The following KPNA6 variants were observed in gnomAD, a reference collection of about 807,000 sequenced individuals.
The protein encoded by KPNA6 is karyopherin subunit alpha 6.
In KPNA6, 9 loss-of-function variants were observed where a neutral mutation model predicts 72.0. That is an observed-to-expected ratio of 0.13 (90% CI 0.08 to 0.22). The LOEUF (loss-of-function observed/expected upper bound fraction) is 0.22. KPNA6 is among the 10% of genes least tolerant of loss of function. KPNA6 has a pLI of 1.00. For synonymous variants in KPNA6, 219 were observed against 242.1 expected (o/e 0.90, Z 0.89); for missense variants, 374 against 655.7 (o/e 0.57, Z 4.69).
intron 1 of KPNA6, among the ~76,000 whole-genome samples, chr1:32,140,041 A>G (rs1641810557): frequency 6.6e-6 from 1 of 152,212 alleles, no homozygotes; most frequent in South Asian, 2.1e-4. Context: ...AATATGAACT[A>G]GATATTGGGT....
chr1:32,160,863 T>A (rs1277265960), intron 7 of KPNA6, among the ~76,000 whole-genome samples, 160 bp downstream of exon 7: 1 of 152,118 alleles, frequency 6.6e-6, no homozygotes, highest in Non-Finnish European at 1.5e-5. Flanking sequence ...CTTTGGAGAT[T>A]GAGAAGGTTG....
At chr1:32,138,241 T>C (rs989296320) in intron 1 of KPNA6, among the ~76,000 whole-genome samples, 2 of 151,600 alleles carry the variant, frequency 1.3e-5, no homozygotes, top group African/African-American at 4.8e-5. Context: ...TCAAACTTGG[T>C]TTAAAAGTAG....
intron 1 of KPNA6, among the ~76,000 whole-genome samples, chr1:32,120,129 A>T (rs1369490665): frequency 6.6e-6 from 1 of 152,208 alleles, no homozygotes; most frequent in Non-Finnish European, 1.5e-5. Context: ...GGCCAAATAT[A>T]GCCTGAGAAT....
rs138089143 is a variant in KPNA6 at position 32,150,114 on chromosome 1, G to C, written c.5-4474G>C. ...TTTAGGGTTAATGGGATTAGATCTG[G>C]AAAATTTTTAGTCTTTTTTTTTTTT... On this transcript the variant is annotated intron_variant, in intron 1 of 13. Coordinates refer to ENST00000373625, the MANE Select transcript of KPNA6 (RefSeq NM_012316.5). Among the ~76,000 whole-genome samples the C allele has an allele frequency of 9.3e-3, 1,365 of 146,448 alleles. 17 individuals are homozygous for C. Among genetic ancestry groups the C allele is most frequent in the Middle Eastern group, 0.04 (11 of 276 alleles).
At chr1:32,119,032 A>ATATATATATATATAT (rs1167325052) in intron 1 of KPNA6, among the ~76,000 whole-genome samples, 1 of 40,274 alleles carries the variant, frequency 2.5e-5, no homozygotes, top group Admixed American at 5.4e-4. Flanking sequence ...ATATATATAT[A>ATATATATATATATAT]TTTTTTTTTT....
intron 11 of KPNA6, among the ~76,000 whole-genome samples, chr1:32,166,640 A>AG (rs1271998398): frequency 6.8e-6 from 1 of 147,024 alleles, no homozygotes; most frequent in African/African-American, 2.5e-5. Context: ...AAAAAAAAAA[A>AG]AAAGAGGGGC....
At chr1:32,145,522 A>T (rs1283821538) in intron 1 of KPNA6, among the ~76,000 whole-genome samples, 1 of 149,974 alleles carries the variant, frequency 6.7e-6, no homozygotes, top group Non-Finnish European at 1.5e-5. Context: ...ACGGGGTTTC[A>T]TCATGTTGGC....
chr1:32,121,581 TAA>T (rs998796901), intron 1 of KPNA6, among the ~76,000 whole-genome samples: 1 of 152,106 alleles, frequency 6.6e-6, no homozygotes, highest in Admixed American at 6.6e-5. Flanking sequence ...AGAGCTGGGC[TAA>T]AAAGCTGGCC....
At chr1:32,151,948 TACATAAAGCAAAA>T in intron 1 of KPNA6, among the ~76,000 whole-genome samples, 1 of 152,316 alleles carries the variant, frequency 6.6e-6, no homozygotes, top group East Asian at 1.9e-4. Flanking sequence ...AGTATTAAAA[TACATAAAGCAAAA>T]TTAAACTACG....
At chr1:32,153,673 C>T (rs1426944468) in intron 1 of KPNA6, among the ~76,000 whole-genome samples, 4 of 151,986 alleles carry the variant, frequency 2.6e-5, no homozygotes, top group Non-Finnish European at 5.9e-5. Context: ...GAAATCTAAC[C>T]TCATTAGTAA....
intron 1 of KPNA6, among the ~76,000 whole-genome samples, chr1:32,130,109 G>T (rs57922559): frequency 0.094 from 14,202 of 151,848 alleles, 887 homozygotes; most frequent in South Asian, 0.25. Flanking sequence ...AGTCAAATAT[G>T]AATTTTGCCT....
At chr1:32,155,577 C>G (rs982473190) in intron 2 of KPNA6, among the ~76,000 whole-genome samples, 1 of 151,998 alleles carries the variant, frequency 6.6e-6, no homozygotes, top group South Asian at 2.1e-4. Flanking sequence ...CAGATCTGCC[C>G]GCCTCAGCCT....
rs72666758 is a variant in KPNA6, at chr1:32,147,257, G to C, written c.5-7331G>C. ...CAGTTTTGTCAGATATAGAATTCTT[G>C]CTTGACGGTTTTTCTTTCAGCACTT... On this transcript the variant is annotated intron_variant, in intron 1 of 13. Coordinates refer to ENST00000373625, the MANE Select transcript of KPNA6 (RefSeq NM_012316.5). Among the ~76,000 whole-genome samples the C allele has an allele frequency of 7.0e-3, 1,071 of 152,190 alleles. 9 individuals are homozygous for C. Among genetic ancestry groups the C allele is most frequent in the Non-Finnish European group, 0.011 (765 of 68,020 alleles).
rs1055633482 is a variant in KPNA6, at chr1:32,120,509, A to G, written c.4+12375A>G. ...GCCATCTGCCCGCCTCAGCCTCCCA[A>G]AGTGCTGAGATTATGGGCTTAAGCC... On this transcript the variant is annotated intron_variant, in intron 1 of 13. Transcript: ENST00000373625. Among the ~76,000 whole-genome samples, 6 of 148,040 alleles carry G rather than the reference A, an allele frequency of 4.1e-5. No individual in the cohort carries two copies. The East Asian group carries it at 6.1e-4, about 15-fold the overall frequency.
chr1:32,140,396 AAAG>A (rs779122336), intron 1 of KPNA6, among the ~76,000 whole-genome samples: 14 of 152,156 alleles, frequency 9.2e-5, no homozygotes, highest in African/African-American at 2.2e-4. Context: ...GAGAAAAAAA[AAAG>A]AAGAAGGTCC....
chr1:32,123,108 G>C (rs1641464274), intron 1 of KPNA6, among the ~76,000 whole-genome samples: 1 of 152,130 alleles, frequency 6.6e-6, no homozygotes, highest in Non-Finnish European at 1.5e-5. Flanking sequence ...AAATAATTAG[G>C]AAATAAAGCT....
chr1:32,165,271 A>G (rs905268669), intron 10 of KPNA6, among the ~76,000 whole-genome samples: 1 of 151,552 alleles, frequency 6.6e-6, no homozygotes, highest in Admixed American at 6.6e-5. Context: ...GCTGGCCTTG[A>G]ACTCCTGTGC....
At chr1:32,149,622 G>T (rs987128715) in intron 1 of KPNA6, among the ~76,000 whole-genome samples, 1 of 151,944 alleles carries the variant, frequency 6.6e-6, no homozygotes. Flanking sequence ...TTTTTAAATG[G>T]CAAAAAAGTT....
At chr1:32,159,708 C>T (rs1051271192) in intron 6 of KPNA6, among the ~76,000 whole-genome samples, 177 bp downstream of exon 6, 5 of 152,188 alleles carry the variant, frequency 3.3e-5, no homozygotes, top group African/African-American at 1.2e-4. Context: ...TTGGGGCAGT[C>T]TTGTGGGACT....
Sources: allele counts gnomAD v4.1 joint callset (sites outside exome capture counted in the v4.1 genomes callset), GRCh38; gene constraint gnomAD v4.1.1; transcripts MANE v1.5; gene names NCBI Gene and HGNC (gene_info 2026-07-23, HGNC 2026-07-21).